Variants in ZSCAN5A observed in about 807,000 individuals in gnomAD.
ZSCAN5A encodes the protein zinc finger and SCAN domain containing 5A, also known as zinc finger and SCAN domain-containing protein 5A.
In ZSCAN5A, 12 loss-of-function variants were observed where a neutral mutation model predicts 23.7. The observed-to-expected ratio is 0.51, with a 90% CI of 0.32 to 0.82. The LOEUF (loss-of-function observed/expected upper bound fraction) is 0.82. ZSCAN5A is among the 40% of genes least tolerant of loss of function. The probability of loss-of-function intolerance (pLI) is 0.03; values close to 1 mark genes in which losing one functional copy is unlikely to be tolerated. For missense variants in ZSCAN5A, 597 were observed against 617.9 expected (o/e 0.97, Z 0.36); for synonymous variants, 257 against 239.9 (o/e 1.07, Z -0.66).
chr19:56,322,700 T>C (rs1416638191), intron 2 of ZSCAN5A, among the ~76,000 whole-genome samples: 2 of 152,254 alleles, frequency 1.3e-5, no homozygotes, highest in Non-Finnish European at 2.9e-5. Flanking sequence ...TAGGATCATC[T>C]CAGGCACCAA....
intron 2 of ZSCAN5A, chr19:56,304,740 G>A (rs1313800892): frequency 2.7e-5 from 26 of 976,910 alleles, no homozygotes; most frequent in Non-Finnish European, 3.2e-5. Context: ...GAATTCACTC[G>A]CCTCACCCCA....
intron 1 of ZSCAN5A, among the ~76,000 whole-genome samples, chr19:56,366,784 T>G (rs2041769656): frequency 6.6e-6 from 1 of 152,168 alleles, no homozygotes. Flanking sequence ...CTTTAAAATT[T>G]TAATGTGCCT....
intron 2 of ZSCAN5A, among the ~76,000 whole-genome samples, chr19:56,325,109 A>G (rs542149567): frequency 2.8e-4 from 42 of 152,362 alleles, no homozygotes; most frequent in African/African-American, 9.1e-4. Context: ...TGAATCCTCC[A>G]TAGTCTGGTG....
At chr19:56,243,843 AGGATTT>A (rs111451847) in intron 2 of ZSCAN5A, among the ~76,000 whole-genome samples, 14,549 of 152,124 alleles carry the variant, frequency 0.096, 748 homozygotes, top group East Asian at 0.22. Context: ...AGTGGCGTCC[AGGATTT>A]GGATGAGGGT....
At chr19:56,233,138 G>T (rs1387822742) in intron 2 of ZSCAN5A, among the ~76,000 whole-genome samples, 1 of 152,150 alleles carries the variant, frequency 6.6e-6, no homozygotes, top group Non-Finnish European at 1.5e-5. Context: ...ACCCAATTCT[G>T]TCTCAACACT....
At chr19:56,303,347 G>A (rs1273074300) in intron 2 of ZSCAN5A, among the ~76,000 whole-genome samples, 9 of 151,874 alleles carry the variant, frequency 5.9e-5, no homozygotes, top group African/African-American at 9.7e-5. Flanking sequence ...GCATGGTGGC[G>A]CATGCCTGTA....
intron 2 of ZSCAN5A, among the ~76,000 whole-genome samples, chr19:56,323,615 C>A (rs902857852): frequency 4.7e-5 from 7 of 149,712 alleles, no homozygotes; most frequent in Non-Finnish European, 1.0e-4. Flanking sequence ...CGGCTCACTG[C>A]AACCTCCGCC....
intron 2 of ZSCAN5A, among the ~76,000 whole-genome samples, chr19:56,241,950 A>T (rs2035456667): frequency 6.6e-6 from 1 of 152,024 alleles, no homozygotes; most frequent in African/African-American, 2.4e-5. Context: ...CCAGGATGTG[A>T]GGAGCACCCG....
rs188461872 is a variant in ZSCAN5A at position 56,271,498 on chromosome 19, T to A, written c.-128+41785A>T. Among the ~76,000 whole-genome samples the A allele has an allele frequency of 2.0e-5, 3 of 152,312 alleles. No homozygotes were observed. The East Asian group carries it at 5.8e-4, about 29-fold the overall frequency. ...ATCCTGTAGTATCACGTTTTCCCGGTGATGAGTTGCCAGGACCATGTGCTC... is the reference window on the plus strand; with the variant it reads ...ATCCTGTAGTATCACGTTTTCCCGGAGATGAGTTGCCAGGACCATGTGCTC... On this transcript the variant is annotated intron_variant, in intron 2 of 5. Coordinates refer to ENST00000683990, the MANE Select transcript of ZSCAN5A (RefSeq NM_001322064.3).
chr19:56,295,493 G>A (rs2039808801), intron 2 of ZSCAN5A, among the ~76,000 whole-genome samples: 1 of 152,098 alleles, frequency 6.6e-6, no homozygotes, highest in Non-Finnish European at 1.5e-5. Context: ...TACTCAGGAG[G>A]CTGAGGCAGG....
intron 2 of ZSCAN5A, among the ~76,000 whole-genome samples, chr19:56,353,541 G>A (rs369854353): frequency 1.6e-4 from 24 of 152,022 alleles, no homozygotes; most frequent in African/African-American, 4.8e-4. Flanking sequence ...AGGCCGAGGC[G>A]GGCGAATCAG....
intron 2 of ZSCAN5A, among the ~76,000 whole-genome samples, chr19:56,259,452 T>C (rs560898612): frequency 1.3e-5 from 2 of 152,168 alleles, no homozygotes; most frequent in African/African-American, 4.8e-5. Flanking sequence ...CAATCAGCCT[T>C]TTCTTTGGGA....
At chr19:56,276,847 T>C (rs1160719503) in intron 2 of ZSCAN5A, among the ~76,000 whole-genome samples, 1 of 152,110 alleles carries the variant, frequency 6.6e-6, no homozygotes, top group Non-Finnish European at 1.5e-5. Context: ...AAAGGTTATC[T>C]TTATTGATAT....
At chr19:56,366,185 A>G (rs1017021289) in intron 1 of ZSCAN5A, among the ~76,000 whole-genome samples, 3 of 152,156 alleles carry the variant, frequency 2.0e-5, no homozygotes, top group African/African-American at 7.2e-5. Context: ...GGCTCAGGAT[A>G]AGAGACTGAA....
In ZSCAN5A at chr19:56,267,734, T is replaced by C. The variant is rs947710695; in HGVS notation, c.-127-42561A>G. Among the ~76,000 whole-genome samples the C allele has an allele frequency of 7.4e-4, 113 of 152,330 alleles. 3 individuals are homozygous for C. The highest frequency in any genetic ancestry group is 7.2e-3 in the Admixed American group (110 of 15,302). ...TGATTCTGAGTGGACCTTATGCTTTTAGATCTCACTTTTTTCATCTATAAA... is the reference window on the plus strand; with the variant it reads ...TGATTCTGAGTGGACCTTATGCTTTCAGATCTCACTTTTTTCATCTATAAA... On this transcript the variant is annotated intron_variant, in intron 2 of 5. Coordinates refer to ENST00000683990, the MANE Select transcript of ZSCAN5A (RefSeq NM_001322064.3).
At chr19:56,245,954 A>T (rs2035856369) in intron 2 of ZSCAN5A, among the ~76,000 whole-genome samples, 2 of 152,054 alleles carry the variant, frequency 1.3e-5, no homozygotes, top group Non-Finnish European at 2.9e-5. Flanking sequence ...CAGGAGGGTG[A>T]TGCAGCCCCA....
chr19:56,355,006 G>A (rs2041692659), intron 2 of ZSCAN5A, among the ~76,000 whole-genome samples: 1 of 152,112 alleles, frequency 6.6e-6, no homozygotes, highest in African/African-American at 2.4e-5. Flanking sequence ...ACATTAATAT[G>A]CTCATGTGGA....
chr19:56,339,239 C>T lies in ZSCAN5A; in HGVS notation c.-357-22971G>A, dbSNP rs1039166396. Among the ~76,000 whole-genome samples, 6 of 152,264 alleles carry T rather than the reference C, an allele frequency of 3.9e-5. 1 individual carries two copies. Among genetic ancestry groups the T allele is most frequent in the African/African-American group, 9.6e-5 (4 of 41,472 alleles). Reference sequence around the variant, plus strand: ...CAATATGCAAAGGAGCAGTTGTAGCCGTATTTAGCAATATGCAAAGGAGCA... The same window carrying T: ...CAATATGCAAAGGAGCAGTTGTAGCTGTATTTAGCAATATGCAAAGGAGCA... On this transcript the variant is annotated intron_variant, in intron 2 of 6. Coordinates refer to the ZSCAN5A transcript ENST00000587340.
At chr19:56,309,607 C>T (rs931101967) in intron 2 of ZSCAN5A, among the ~76,000 whole-genome samples, 14 of 152,194 alleles carry the variant, frequency 9.2e-5, no homozygotes, top group Admixed American at 9.2e-4. Context: ...CCTGATCCAT[C>T]CCTGGAACTC....
Sources: allele counts gnomAD v4.1 joint callset (sites outside exome capture counted in the v4.1 genomes callset), GRCh38; gene constraint gnomAD v4.1.1; transcripts MANE v1.5; gene names NCBI Gene and HGNC (gene_info 2026-07-23, HGNC 2026-07-21).